Variants in LTBP1 observed in about 807,000 individuals in gnomAD.
LTBP1 encodes latent transforming growth factor beta binding protein 1.
LTBP1 carries 129 observed loss-of-function variants against 207.6 expected under a neutral mutation model. The ratio of observed to expected loss-of-function variants is 0.62; its 90% CI spans 0.54 to 0.72. The LOEUF is 0.72. Among genes scored for constraint, LTBP1 ranks in the 30% least tolerant of loss-of-function variants. The probability of loss-of-function intolerance (pLI) is 0.00; values close to 1 mark genes in which losing one functional copy is unlikely to be tolerated. For synonymous variants in LTBP1, 963 were observed against 833.7 expected, an observed-to-expected ratio of 1.16 and a Z score of -2.67; for missense variants, 2,281 against 2,217.2, an observed-to-expected ratio of 1.03 and a Z score of -0.58.
intron 3 of LTBP1, among the ~76,000 whole-genome samples, chr2:33,079,315 A>C (rs2078266636): frequency 6.6e-6 from 1 of 152,140 alleles, no homozygotes; most frequent in Non-Finnish European, 1.5e-5. Flanking sequence ...GGAGAGTATC[A>C]CAGTGAAATG....
At chr2:33,212,448 T>A (rs547268728) in intron 7 of LTBP1, among the ~76,000 whole-genome samples, 1 of 152,266 alleles carries the variant, frequency 6.6e-6, no homozygotes, top group East Asian at 1.9e-4. Context: ...GCAGAAACAC[T>A]TGAGTTTTGC....
At chr2:33,248,167 A>AT (rs1210098441) in intron 10 of LTBP1, among the ~76,000 whole-genome samples, 1 of 152,236 alleles carries the variant, frequency 6.6e-6, no homozygotes. Flanking sequence ...TTGCTCCCAG[A>AT]TAATTACAGT....
chr2:32,990,722 G>A (rs1684277532), intron 2 of LTBP1, among the ~76,000 whole-genome samples: 1 of 152,104 alleles, frequency 6.6e-6, no homozygotes, highest in African/African-American at 2.4e-5. Context: ...ACAGCTGTGT[G>A]GGGAAAAGTT....
At chr2:33,380,520 G>T (rs1266461885) in intron 31 of LTBP1, among the ~76,000 whole-genome samples, 1 of 151,920 alleles carries the variant, frequency 6.6e-6, no homozygotes, top group African/African-American at 2.4e-5. Context: ...TGTGAGCTGA[G>T]ATCACGCCAT....
At chr2:33,375,453 G>T (rs1452234288) in intron 31 of LTBP1, among the ~76,000 whole-genome samples, 2 of 152,092 alleles carry the variant, frequency 1.3e-5, no homozygotes, top group African/African-American at 2.4e-5. Flanking sequence ...GCCCGGCCAG[G>T]CTCCTACAGT....
Position 33,219,686 on chromosome 2 carries a change from A to G in LTBP1, c.1804+2032A>G, listed in dbSNP as rs530520141. Among the ~76,000 whole-genome samples the G allele has an allele frequency of 1.3e-3, 194 of 152,124 alleles. 1 individual carries two copies. Among genetic ancestry groups the G allele is most frequent in the Non-Finnish European group, 2.3e-3 (159 of 67,982 alleles). The stretch of plus-strand genomic sequence containing the variant: ...AGAACTTTGTTTTGGTCCTAAGTCT[A>G]TGTTCTCTAATATTAAATACCTTCC... On this transcript the variant is annotated intron_variant, in intron 8 of 33. Coordinates refer to ENST00000404816, the MANE Select transcript of LTBP1 (RefSeq NM_206943.4).
In LTBP1 at chr2:32,975,554, A is replaced by G. The variant is rs180900036; in HGVS notation, c.565+26609A>G. On this transcript the variant is annotated intron_variant, in intron 2 of 33. Coordinates refer to ENST00000404816, the MANE Select transcript of LTBP1 (RefSeq NM_206943.4). ...AGATTTGGTCCCTTCACATAATCCC[A>G]TATTTGTTGGAGGTTTCATTCATTC... Among the ~76,000 whole-genome samples, 119 of 126,422 alleles carry G rather than the reference A, an allele frequency of 9.4e-4. No homozygotes were observed. The Middle Eastern group carries it at 0.016, about 17-fold the overall frequency. The allele number at this position is 126,422 out of a possible 152,430, so 82.9% of individuals were successfully genotyped here. A position where few individuals can be genotyped will look rare whatever the true frequency, so the allele number is the denominator to read the frequency against.
chr2:33,041,571 C>G lies in LTBP1; in HGVS notation c.863+20365C>G, dbSNP rs192504470. 1.3e-3 allele frequency among the ~76,000 whole-genome samples: 193 copies of G among 152,300 alleles called. 1 individual carries two copies. The highest frequency in any genetic ancestry group is 4.4e-3 in the African/African-American group (183 of 41,554). On this transcript the variant is annotated intron_variant, in intron 3 of 33. Coordinates refer to ENST00000404816, the MANE Select transcript of LTBP1 (RefSeq NM_206943.4). ...TGCTGGGATTATAGGCGTGAGCCAC[C>G]GTGCCTGGCCCAGACTGTGTCTTTT...
At chr2:33,272,022 A>C (rs1396726575) in intron 15 of LTBP1, among the ~76,000 whole-genome samples, 3 of 152,246 alleles carry the variant, frequency 2.0e-5, no homozygotes, top group Non-Finnish European at 4.4e-5. Context: ...GTAATTTGTA[A>C]ATACATGGGG....
At chr2:33,139,300 G>C (rs890699776) in intron 5 of LTBP1, among the ~76,000 whole-genome samples, 1 of 152,148 alleles carries the variant, frequency 6.6e-6, no homozygotes, top group African/African-American at 2.4e-5. Context: ...TTATCCTAGA[G>C]TCACAATACC....
intron 5 of LTBP1, among the ~76,000 whole-genome samples, chr2:33,143,314 A>G (rs570885510): frequency 4.5e-4 from 68 of 152,200 alleles, no homozygotes; most frequent in Non-Finnish European, 9.0e-4. Context: ...TGTCCACTCC[A>G]TCTTGGCACC....
At chr2:33,265,237 G>A (rs2093142254) in intron 15 of LTBP1, among the ~76,000 whole-genome samples, 1 of 152,206 alleles carries the variant, frequency 6.6e-6, no homozygotes, top group African/African-American at 2.4e-5. Flanking sequence ...GCCCAGTCCA[G>A]TTGACTCATG....
chr2:33,394,994 A>G (rs551627675), intron 32 of LTBP1, among the ~76,000 whole-genome samples: 12 of 152,286 alleles, frequency 7.9e-5, no homozygotes, highest in Non-Finnish European at 1.5e-4. Flanking sequence ...TGCAAAAGAC[A>G]TTATCTCATT....
At chr2:33,321,463 G>T (rs1169539069) in intron 24 of LTBP1, among the ~76,000 whole-genome samples, 1 of 152,106 alleles carries the variant, frequency 6.6e-6, no homozygotes, top group African/African-American at 2.4e-5. Flanking sequence ...ACACAAGAAA[G>T]ACAACATTGC....
At chr2:33,089,547 C>G (rs1172384219) in intron 3 of LTBP1, among the ~76,000 whole-genome samples, 1 of 152,184 alleles carries the variant, frequency 6.6e-6, no homozygotes, top group African/African-American at 2.4e-5. Context: ...CAGAGAATTA[C>G]CTGGCACTAA....
At chr2:33,295,438 A>T (rs539722864) in intron 20 of LTBP1, among the ~76,000 whole-genome samples, 1 of 152,220 alleles carries the variant, frequency 6.6e-6, no homozygotes. Flanking sequence ...GAGACACAAG[A>T]ATCACTTGAA....
At chr2:32,979,123 T>A (rs919558519) in intron 2 of LTBP1, among the ~76,000 whole-genome samples, 1 of 151,710 alleles carries the variant, frequency 6.6e-6, no homozygotes, top group African/African-American at 2.4e-5. Context: ...ATTGATTTTG[T>A]TTATCTTTTC....
intron 5 of LTBP1, among the ~76,000 whole-genome samples, chr2:33,178,512 A>C (rs2148627311): frequency 6.6e-6 from 1 of 152,024 alleles, no homozygotes; most frequent in African/African-American, 2.4e-5. Flanking sequence ...ACTAATGCCC[A>C]CCAGCATTAA....
intron 27 of LTBP1, 37 bp from the exon 28 acceptor site, chr2:33,361,392 T>TGAA: frequency 7.7e-7 from 1 of 1,305,862 alleles, no homozygotes; most frequent in Non-Finnish European, 1.0e-6. Flanking sequence ...TGGAAGATGT[T>TGAA]GAATCTTTTT....
Sources: gnomAD v4.1 joint callset for allele counts (sites outside exome capture counted in the v4.1 genomes callset) on GRCh38, gnomAD v4.1.1 for gene constraint, MANE v1.5 for transcripts, NCBI Gene and HGNC (gene_info 2026-07-23, HGNC 2026-07-21) for gene names.